FCHO1: variants seen among roughly 807,000 people sequenced by gnomAD.
FCHO1 encodes the protein FCH and mu domain containing endocytic adaptor 1.
In FCHO1, 45 loss-of-function variants were observed where a neutral mutation model predicts 114.4. The ratio of observed to expected loss-of-function variants is 0.39; its 90% confidence interval spans 0.31 to 0.50. FCHO1 has a LOEUF of 0.50. Ranked by LOEUF, FCHO1 falls within the 20% of genes least tolerant of loss-of-function variation. The pLI is 0.77. For synonymous variants in FCHO1, 480 were observed against 488.9 expected, an observed-to-expected ratio of 0.98 and a Z score of 0.24; for missense variants, 1,042 against 1,209.6, an observed-to-expected ratio of 0.86 and a Z score of 2.06.
chr19:17,764,087 T>C (rs1430463683), intron 5 of FCHO1, among the ~76,000 whole-genome samples: 1 of 151,408 alleles, frequency 6.6e-6, no homozygotes, highest in Admixed American at 6.6e-5. Flanking sequence ...TCACCCAAGC[T>C]GGAGTGCAGT....
In FCHO1 at chr19:17,775,811, G is replaced by A. The variant is rs934151936; in HGVS notation, c.1004-172G>A. ...CATGCTTGTGCAAAGGCTTCTCGGG[G>A]GGGGTGGGAGTGCTGGTGGGACATG... On this transcript the variant is annotated intron_variant, in intron 15 of 28. Coordinates refer to ENST00000596536, the MANE Select transcript of FCHO1 (RefSeq NM_015122.3). This position sits in a 1 kb window ranked among gnomAD's most constrained non-coding sequence, Gnocchi z 5.1. Among the ~76,000 whole-genome samples the A allele has an allele frequency of 1.3e-5, 2 of 152,074 alleles. No individual in the cohort carries two copies. The highest frequency in any genetic ancestry group is 6.6e-5 in the Admixed American group (1 of 15,262).
chr19:17,786,735 T>A, intron 27 of FCHO1, 106 bp downstream of exon 27: 1 of 1,237,200 alleles, frequency 8.1e-7, no homozygotes, highest in Non-Finnish European at 1.1e-6. Context: ...GGCGGGCAAG[T>A]ATGGGCATTG....
At position 17,772,438 on chromosome 19, in the gene FCHO1, C is replaced by T. The variant is rs376998937; in HGVS notation, c.595-19C>T. On this transcript the variant is annotated intron_variant, in intron 9 of 28. Coordinates refer to ENST00000596536, the MANE Select transcript of FCHO1 (RefSeq NM_015122.3). Reference sequence around the variant, plus strand: ...TGGCCCTGACCTCCTTTCCACCTGCCTCTGCCCTCCTGCTTCAGCGCTTCC... The same window carrying T: ...TGGCCCTGACCTCCTTTCCACCTGCTTCTGCCCTCCTGCTTCAGCGCTTCC... The T allele has an allele frequency of 4.9e-5, 78 of 1,605,692 alleles. No individual in the cohort carries two copies. Among genetic ancestry groups the T allele is most frequent in the Admixed American group, 1.0e-4 (6 of 59,958 alleles).
At chr19:17,760,384 T>G (rs1320106933) in intron 4 of FCHO1, among the ~76,000 whole-genome samples, 3 of 151,942 alleles carry the variant, frequency 2.0e-5, no homozygotes, top group Non-Finnish European at 2.9e-5. Context: ...CTTAGTAGTG[T>G]TCAGGCATGA....
chr19:17,775,447 C>T lies in FCHO1; in HGVS notation c.946-9C>T, dbSNP rs556658860. ...CGCCTGACTCACTGCTGCCCCCTGA[C>T]TCCCCTAGACATGTCCAGAGGTGGA... On this transcript the variant is annotated splice_polypyrimidine_tract_variant and intron_variant, in intron 14 of 28. Coordinates refer to ENST00000596536, the MANE Select transcript of FCHO1 (RefSeq NM_015122.3). This position sits in a 1 kb window ranked among gnomAD's most constrained non-coding sequence, Gnocchi z 5.1. The T allele has an allele frequency of 3.1e-6, 5 of 1,613,686 alleles. No homozygotes were observed. The African/African-American group carries it at 6.7e-5, about 22-fold the overall frequency.
intron 7 of FCHO1, 51 bp downstream of exon 7, chr19:17,766,861 A>C (rs1192389083): frequency 5.0e-6 from 8 of 1,584,308 alleles, no homozygotes; most frequent in Non-Finnish European, 6.9e-6. Flanking sequence ...GAACACCGGC[A>C]GCTCACAGGA....
At chr19:17,760,832 A>T (rs1280858218) in intron 4 of FCHO1, among the ~76,000 whole-genome samples, 4 of 152,060 alleles carry the variant, frequency 2.6e-5, no homozygotes, top group Non-Finnish European at 5.9e-5. Context: ...CATTTTTAGT[A>T]AACACGGGGT....
rs780435067 is a variant in FCHO1 at position 17,766,681 on chromosome 19, G to A, written c.207G>A (p.Pro69=). 7.4e-6 allele frequency: 12 copies of A among 1,614,114 alleles called. No homozygotes were observed. The highest frequency in any genetic ancestry group is 5.5e-5 in the South Asian group (5 of 91,078). ...SNGTPMGTFA[P]LWEVFRVSSD... is the part of the protein sequence containing the mutation. ...TGCCCGCCCCCAGGACCTTCGCCCC[G>A]CTCTGGGAGGTCTTCCGCGTCTCCT... The change falls in exon 7 of 29, where the codon CCG becomes CCA. Residue 69 remains proline (P), a synonymous_variant. Transcript: ENST00000596536.
intron 7 of FCHO1, among the ~76,000 whole-genome samples, chr19:17,767,235 C>A (rs1184990326): frequency 1.3e-5 from 2 of 152,088 alleles, no homozygotes; most frequent in Non-Finnish European, 2.9e-5. Context: ...TTGCACGCCA[C>A]CATGCCTGGC....
At chr19:17,778,371 G>A (rs1599735790) in intron 19 of FCHO1, 143 bp downstream of exon 19, 1 of 767,942 alleles carries the variant, frequency 1.3e-6, no homozygotes, top group Non-Finnish European at 2.1e-6. Context: ...GGGCCAGAGT[G>A]CGCGTGGGAG....
At position 17,784,734 on chromosome 19, in the gene FCHO1, C is replaced by A; in HGVS notation, c.2236C>A (p.Pro746Thr). 1.9e-6 allele frequency: 3 copies of A among 1,614,038 alleles called. No individual in the cohort carries two copies. The highest frequency in any genetic ancestry group is 2.5e-6 in the Non-Finnish European group (3 of 1,180,012). Residue 746 changes from proline (P) to threonine (T), a missense_variant, in exon 26 of 29, where the codon CCG becomes ACG. By Grantham distance (38) the Pro-to-Thr change is conservative. Coordinates refer to ENST00000596536, the MANE Select transcript of FCHO1 (RefSeq NM_015122.3). This position sits in a 1 kb window ranked among gnomAD's most constrained non-coding sequence, Gnocchi z 5.3. ...VVLLRYQFSR[P>T]GPQSVPLQLS... ...TTCTCATTCTTCCTAGTTCTCCCGCCCGGGTCCCCAGTCTGTGCCTCTGCA... is the reference window on the plus strand; with the variant it reads ...TTCTCATTCTTCCTAGTTCTCCCGCACGGGTCCCCAGTCTGTGCCTCTGCA...
rs767300572 is a variant in FCHO1 at position 17,766,768 on chromosome 19, C to T, written c.294C>T (p.Asp98=). 8.7e-6 allele frequency: 14 copies of T among 1,614,154 alleles called. No homozygotes were observed. Among genetic ancestry groups the T allele is most frequent in the Middle Eastern group, 1.6e-4 (1 of 6,062 alleles). The part of the protein sequence containing the change: ...LTRKLQDLIK[D]VLRYGEEQLK... ...GGAAGTTACAGGATCTCATCAAGGACGTTCTCCGCTACGGCGAGGAACAGC... is the reference window on the plus strand; with the variant it reads ...GGAAGTTACAGGATCTCATCAAGGATGTTCTCCGCTACGGCGAGGAACAGC... The change falls in exon 7 of 29, where the codon GAC becomes GAT. Residue 98 remains aspartate (D), a synonymous_variant. Coordinates refer to ENST00000596536, the MANE Select transcript of FCHO1 (RefSeq NM_015122.3).
chr19:17,764,603 G>A (rs538989771), intron 6 of FCHO1, among the ~76,000 whole-genome samples, 154 bp downstream of exon 6: 1 of 152,286 alleles, frequency 6.6e-6, no homozygotes, highest in African/African-American at 2.4e-5. Context: ...TCACACACTA[G>A]CTCATTCATT....
chr19:17,768,146 G>A (rs774864811), intron 7 of FCHO1, among the ~76,000 whole-genome samples: 1 of 152,118 alleles, frequency 6.6e-6, no homozygotes, highest in African/African-American at 2.4e-5. Flanking sequence ...TCAGCTCACT[G>A]CAATCTCCAT....
chr19:17,766,572 A>G, intron 6 of FCHO1, 97 bp from the exon 7 acceptor site: 2 of 1,470,202 alleles, frequency 1.4e-6, no homozygotes, highest in African/African-American at 1.4e-5. Flanking sequence ...CATGTTTAGC[A>G]GGGCTCAGCG....
chr19:17,748,779 C>T (rs2081228780), upstream of FCHO1, among the ~76,000 whole-genome samples: 2 of 152,156 alleles, frequency 1.3e-5, no homozygotes, highest in Admixed American at 6.5e-5. Flanking sequence ...ACCTCGGTTT[C>T]CTCTTTTGAA....
intron 7 of FCHO1, among the ~76,000 whole-genome samples, chr19:17,769,000 G>A (rs1360284554): frequency 6.6e-6 from 1 of 151,834 alleles, no homozygotes; most frequent in African/African-American, 2.4e-5. Flanking sequence ...AAAAAGCTGG[G>A]CACAGTGACT....
intron 20 of FCHO1, among the ~76,000 whole-genome samples, chr19:17,780,310 C>T (rs1466100496): frequency 1.3e-5 from 2 of 152,064 alleles, no homozygotes; most frequent in South Asian, 2.1e-4. Flanking sequence ...ACTACAGGTG[C>T]GTACCGCCAC....
chr19:17,769,238 G>GCAC (rs1424197121), intron 7 of FCHO1, among the ~76,000 whole-genome samples: 12 of 123,374 alleles, frequency 9.7e-5, no homozygotes, highest in Non-Finnish European at 1.7e-4. Flanking sequence ...TTGTGCCACT[G>GCAC]CACTCCAGCC....
Sources: gnomAD v4.1 joint callset for allele counts (sites outside exome capture counted in the v4.1 genomes callset) on GRCh38, gnomAD v4.1.1 for gene constraint, Gnocchi (gnomAD v3.1) non-coding constraint, MANE v1.5 for transcripts, NCBI Gene and HGNC (gene_info 2026-07-23, HGNC 2026-07-21) for gene names.